The following WDR70 variants were observed in gnomAD, a reference collection of about 807,000 sequenced individuals.
WDR70 encodes WD repeat domain 70.
A neutral mutation model predicts 88.6 loss-of-function variants in WDR70; 53 were observed. That is an observed-to-expected ratio of 0.60 (90% CI 0.48 to 0.75). The LOEUF (loss-of-function observed/expected upper bound fraction) is 0.75, where lower values mean the gene tolerates loss of function less well. Among genes scored for constraint, WDR70 ranks in the 30% least tolerant of loss-of-function variants. The pLI is 0.00. For synonymous variants in WDR70, 280 were observed against 270.0 expected (o/e 1.04, Z -0.36); for missense variants, 610 against 823.2 (o/e 0.74, Z 3.17).
chr5:37,683,649 A>G (rs1345290715), intron 10 of WDR70, among the ~76,000 whole-genome samples: 1 of 152,142 alleles, frequency 6.6e-6, no homozygotes, highest in East Asian at 1.9e-4. Flanking sequence ...TCTTTTCTCT[A>G]AGAATGTTGA....
chr5:37,485,362 A>G (rs766501756), intron 8 of WDR70, among the ~76,000 whole-genome samples: 2 of 152,206 alleles, frequency 1.3e-5, no homozygotes, highest in Non-Finnish European at 2.9e-5. Flanking sequence ...TAGAGTGTCA[A>G]AGAATTTCAG....
At chr5:37,402,392 T>C (rs1379086569) in intron 5 of WDR70, among the ~76,000 whole-genome samples, 1 of 152,018 alleles carries the variant, frequency 6.6e-6, no homozygotes, top group Non-Finnish European at 1.5e-5. Flanking sequence ...TCTTGGTCAT[T>C]GTGAATAGTG....
At position 37,622,082 on chromosome 5, in the gene WDR70, G is replaced by A. The variant is rs913958337; in HGVS notation, c.1092+16844G>A. Among the ~76,000 whole-genome samples, 49 of 152,100 alleles carry A rather than the reference G, an allele frequency of 3.2e-4. 1 individual carries two copies. Among genetic ancestry groups the A allele is most frequent in the Admixed American group, 3.0e-3 (46 of 15,254 alleles). ...CTGCGGGCTCTGTTCTGTTCCATTG[G>A]TCTATATCTCTGTTTTGGTACCAGT... On this transcript the variant is annotated intron_variant, in intron 10 of 17. Coordinates refer to ENST00000265107, the MANE Select transcript of WDR70 (RefSeq NM_018034.4).
chr5:37,549,741 T>C (rs62359033), intron 9 of WDR70, among the ~76,000 whole-genome samples: 63,010 of 152,092 alleles, frequency 0.41, 15,247 homozygotes, highest in Non-Finnish European at 0.54. Flanking sequence ...GCTTTCAGCT[T>C]TCTCCTATTC....
At chr5:37,407,201 A>G (rs1749379194) in intron 5 of WDR70, among the ~76,000 whole-genome samples, 1 of 152,208 alleles carries the variant, frequency 6.6e-6, no homozygotes, top group South Asian at 2.1e-4. Context: ...AATATAAAGA[A>G]TAGTATAAAG....
intron 5 of WDR70, among the ~76,000 whole-genome samples, chr5:37,408,353 A>C (rs1340934130): frequency 6.6e-6 from 1 of 152,130 alleles, no homozygotes; most frequent in Non-Finnish European, 1.5e-5. Flanking sequence ...ACACGCCTGT[A>C]ATCCCAGCTA....
At position 37,451,243 on chromosome 5, in the gene WDR70, A is replaced by G. The variant is rs73070497; in HGVS notation, c.686+7871A>G. Among the ~76,000 whole-genome samples the G allele has an allele frequency of 8.8e-3, 1,334 of 152,100 alleles. 24 individuals carry two copies. Among genetic ancestry groups the G allele is most frequent in the African/African-American group, 0.03 (1,263 of 41,490 alleles). On this transcript the variant is annotated intron_variant, in intron 7 of 17. Transcript: ENST00000265107. ...AGTAAAATCTGACTTGATGCCTTGGATCTTTGGTTAAGAAAGAAAATAAAA... is the reference window on the plus strand; with the variant it reads ...AGTAAAATCTGACTTGATGCCTTGGGTCTTTGGTTAAGAAAGAAAATAAAA...
intron 11 of WDR70, among the ~76,000 whole-genome samples, chr5:37,699,918 G>C (rs886891708): frequency 1.6e-4 from 24 of 151,416 alleles, no homozygotes; most frequent in African/African-American, 5.8e-4. Context: ...CTGCACTCCA[G>C]CCTGAGTGAC....
rs187927904 is a variant in WDR70, at chr5:37,498,155, T to C, written c.840+18168T>C. 2.6e-5 allele frequency among the ~76,000 whole-genome samples: 4 copies of C among 152,330 alleles called. No individual in the cohort carries two copies. The East Asian group carries it at 7.7e-4, about 29-fold the overall frequency. ...AAAATTGAGATGAATTTTACTTCTC[T>C]ATTCATGGCACTCTATTCATTTGCT... On this transcript the variant is annotated intron_variant, in intron 8 of 17. Transcript: ENST00000265107.
intron 9 of WDR70, among the ~76,000 whole-genome samples, chr5:37,526,572 C>G (rs1038534264): frequency 6.6e-6 from 1 of 152,198 alleles, no homozygotes; most frequent in Non-Finnish European, 1.5e-5. Flanking sequence ...AAAACTGCCA[C>G]AAGACAGGGA....
chr5:37,397,853 C>T (rs10077819), intron 5 of WDR70, among the ~76,000 whole-genome samples: 11,091 of 151,774 alleles, frequency 0.073, 1,289 homozygotes, highest in African/African-American at 0.25. Context: ...ATTAGCCAGG[C>T]GTAATCGTGG....
intron 9 of WDR70, among the ~76,000 whole-genome samples, chr5:37,584,610 G>C (rs1374803912): frequency 1.3e-5 from 2 of 152,008 alleles, no homozygotes; most frequent in African/African-American, 4.8e-5. Flanking sequence ...TTTTAAACTT[G>C]GTTGGTCGAG....
chr5:37,480,334 G>T (rs1343850073), intron 8 of WDR70, among the ~76,000 whole-genome samples: 1 of 151,992 alleles, frequency 6.6e-6, no homozygotes, highest in African/African-American at 2.4e-5. Context: ...TGTCTAGTTT[G>T]GGTCTTTTCA....
intron 9 of WDR70, among the ~76,000 whole-genome samples, chr5:37,568,197 T>A (rs935884261): frequency 6.6e-6 from 1 of 152,070 alleles, no homozygotes; most frequent in Non-Finnish European, 1.5e-5. Flanking sequence ...GTGTAGTGAG[T>A]GATTCTGTGA....
At chr5:37,463,993 G>A (rs1286155218) in intron 7 of WDR70, among the ~76,000 whole-genome samples, 2 of 152,212 alleles carry the variant, frequency 1.3e-5, no homozygotes, top group Admixed American at 1.3e-4. Context: ...GAATATTAGT[G>A]TGGGATCACT....
intron 5 of WDR70, among the ~76,000 whole-genome samples, chr5:37,406,792 C>T (rs1283393792): frequency 2.6e-5 from 4 of 152,172 alleles, no homozygotes; most frequent in African/African-American, 9.7e-5. Flanking sequence ...AAGGAATTCA[C>T]TCATGCATCA....
chr5:37,406,077 T>C (rs1749343535), intron 5 of WDR70, among the ~76,000 whole-genome samples: 1 of 152,076 alleles, frequency 6.6e-6, no homozygotes, highest in Admixed American at 6.6e-5. Context: ...GTGAAATGCA[T>C]AGATTAGGAA....
chr5:37,491,918 T>G (rs1030253181), intron 8 of WDR70, among the ~76,000 whole-genome samples: 6 of 152,214 alleles, frequency 3.9e-5, no homozygotes. Context: ...TAATAGAAAC[T>G]TCTTAACATT....
intron 7 of WDR70, among the ~76,000 whole-genome samples, chr5:37,453,523 C>T (rs778695979): frequency 3.9e-5 from 6 of 152,202 alleles, no homozygotes; most frequent in Non-Finnish European, 8.8e-5. Flanking sequence ...CCTGGGCGGG[C>T]CAGGTGTTCC....
Sources: allele counts gnomAD v4.1 joint callset (sites outside exome capture counted in the v4.1 genomes callset), GRCh38; gene constraint gnomAD v4.1.1; transcripts MANE v1.5; gene names NCBI Gene and HGNC (gene_info 2026-07-23, HGNC 2026-07-21).